LARP4B: variants seen among roughly 807,000 people sequenced by gnomAD.
LARP4B encodes the protein la-related protein 4B.
A neutral mutation model predicts 89.8 loss-of-function variants in LARP4B; 12 were observed. The ratio of observed to expected loss-of-function variants is 0.13; its 90% CI spans 0.09 to 0.22. The LOEUF is 0.22. LARP4B is among the 10% of genes least tolerant of loss of function. The probability of loss-of-function intolerance (pLI) is 1.00; values close to 1 mark genes in which losing one functional copy is unlikely to be tolerated. For synonymous variants in LARP4B, 367 were observed against 363.3 expected, an observed-to-expected ratio of 1.01 and a Z score of -0.12; for missense variants, 757 against 947.7, an observed-to-expected ratio of 0.80 and a Z score of 2.64.
At chr10:831,255 T>C (rs1832887973) in intron 8 of LARP4B, among the ~76,000 whole-genome samples, 1 of 151,306 alleles carries the variant, frequency 6.6e-6, no homozygotes, top group Non-Finnish European at 1.5e-5. Flanking sequence ...CATATCATGT[T>C]CTGGGCTGAT....
chr10:850,883 A>C (rs1209163799), intron 5 of LARP4B, among the ~76,000 whole-genome samples: 4 of 152,212 alleles, frequency 2.6e-5, no homozygotes, highest in Non-Finnish European at 2.9e-5. Flanking sequence ...GAGTCAAAGA[A>C]AAAAAATCAA....
the LARP4B span, among the ~76,000 whole-genome samples, chr10:974,817 T>C: frequency 6.6e-6 from 1 of 152,256 alleles, no homozygotes; most frequent in South Asian, 2.1e-4. Context: ...CATCGAAAGC[T>C]TGGAGCTCCA....
At chr10:888,501 G>GA (rs1316240481) in intron 1 of LARP4B, among the ~76,000 whole-genome samples, 2 of 152,150 alleles carry the variant, frequency 1.3e-5, no homozygotes, top group African/African-American at 4.8e-5. Context: ...GACTTCAAGC[G>GA]AAAGGACGTG....
At chr10:943,489 G>A in the LARP4B span, among the ~76,000 whole-genome samples, 4 of 152,122 alleles carry the variant, frequency 2.6e-5, no homozygotes, top group South Asian at 8.3e-4. Context: ...GAGTGCAGTG[G>A]TGCGATCATG....
At chr10:933,843 T>C (rs1237510572), upstream of LARP4B, among the ~76,000 whole-genome samples, 5 of 151,976 alleles carry the variant, frequency 3.3e-5, no homozygotes, top group African/African-American at 1.2e-4. Context: ...AAACTTTTTT[T>C]TTTTTTTGAG....
At chr10:841,984 A>G (rs1420744425) in intron 7 of LARP4B, among the ~76,000 whole-genome samples, 2 of 152,140 alleles carry the variant, frequency 1.3e-5, no homozygotes, top group African/African-American at 4.8e-5. Context: ...ACAAGAAAAA[A>G]AAAAAACCTG....
chr10:892,564 G>C (rs967218297), intron 1 of LARP4B, among the ~76,000 whole-genome samples: 33 of 151,312 alleles, frequency 2.2e-4, no homozygotes, highest in African/African-American at 7.5e-4. Context: ...TTTTGAGATA[G>C]AGTATCGCTC....
At chr10:927,128 G>C (rs1249634387) in intron 1 of LARP4B, among the ~76,000 whole-genome samples, 1 of 152,164 alleles carries the variant, frequency 6.6e-6, no homozygotes, top group African/African-American at 2.4e-5. Flanking sequence ...CAGGGCAATG[G>C]GGTTGATGGG....
chr10:897,393 T>G (rs1291112686), intron 1 of LARP4B, among the ~76,000 whole-genome samples: 1 of 152,038 alleles, frequency 6.6e-6, no homozygotes, highest in African/African-American at 2.4e-5. Flanking sequence ...ACCAAAGAAC[T>G]AAATGTAAAA....
intron 3 of LARP4B, among the ~76,000 whole-genome samples, chr10:874,540 T>C (rs1157184442): frequency 6.6e-6 from 1 of 152,252 alleles, no homozygotes; most frequent in Admixed American, 6.5e-5. Flanking sequence ...TCCCTAACTG[T>C]GGACTCACAT....
chr10:874,192 C>G (rs1835361092), intron 3 of LARP4B, among the ~76,000 whole-genome samples: 1 of 152,170 alleles, frequency 6.6e-6, no homozygotes, highest in Admixed American at 6.5e-5. Context: ...CAAGATTGCG[C>G]CACTGCACTC....
At chr10:935,854 G>T (rs1188211687), upstream of LARP4B, among the ~76,000 whole-genome samples, 2 of 150,906 alleles carry the variant, frequency 1.3e-5, no homozygotes, top group African/African-American at 4.9e-5. Context: ...GAGTAGCTGG[G>T]ATTACAGGGA....
rs763268627 is a variant in LARP4B at position 829,517 on chromosome 10, C to T, written c.993G>A (p.Leu331=). 6 of 1,614,060 alleles carry T rather than the reference C, an allele frequency of 3.7e-6. No individual in the cohort carries two copies. The highest frequency in any genetic ancestry group is 5.1e-6 in the Non-Finnish European group (6 of 1,180,032). The part of the protein sequence containing the change: ...KNGFRPLDVS[L]YAQQRYATSF... ...ACGTCGCGTAGCGCTGCTGGGCATA[C>T]AGGCTCACGTCCAGGGGTCTAAATC... Residue 331 remains leucine, a synonymous_variant, in exon 11 of 18, where the codon CTG becomes CTA. Transcript: ENST00000316157.
intron 5 of LARP4B, among the ~76,000 whole-genome samples, chr10:851,375 C>T (rs912761858): frequency 6.6e-6 from 1 of 151,836 alleles, no homozygotes; most frequent in African/African-American, 2.4e-5. Flanking sequence ...GTAGAGATGG[C>T]GTTTCACTAT....
rs540380354 is a variant in LARP4B, at chr10:880,054, A to G, written c.141+4393T>C. On this transcript the variant is annotated intron_variant, in intron 3 of 17. Coordinates refer to ENST00000316157, the MANE Select transcript of LARP4B (RefSeq NM_015155.3). ...CTCCCAAAGTGCTGGGATTACAGAC[A>G]TGAGCCACCGCACCTGGCCCAAGTC... is the stretch of plus-strand genomic sequence containing the variant. Among the ~76,000 whole-genome samples the G allele has an allele frequency of 5.3e-5, 8 of 152,144 alleles. No individual in the cohort carries two copies. The South Asian group carries it at 1.5e-3, about 28-fold the overall frequency.
intron 7 of LARP4B, among the ~76,000 whole-genome samples, chr10:840,896 A>G (rs1033327295): frequency 6.6e-6 from 1 of 152,230 alleles, no homozygotes; most frequent in Non-Finnish European, 1.5e-5. Flanking sequence ...TCACACCTGT[A>G]ATCTCAGGAC....
chr10:925,108 T>C (rs573159975), intron 1 of LARP4B, among the ~76,000 whole-genome samples: 4 of 152,308 alleles, frequency 2.6e-5, no homozygotes, highest in Admixed American at 2.0e-4. Flanking sequence ...GGATACACCA[T>C]AATATATGTG....
chr10:813,116 G>T lies in LARP4B; in HGVS notation c.2027C>A (p.Thr676Asn). 1.2e-6 allele frequency: 2 copies of T among 1,614,174 alleles called. No individual in the cohort carries two copies. The highest frequency in any genetic ancestry group is 1.7e-6 in the Non-Finnish European group (2 of 1,180,032). The change falls in exon 18 of 18, where the codon ACT becomes AAT. Residue 676 changes from threonine (T) to asparagine (N), a missense_variant. By Grantham distance (65) the Thr-to-Asn change is moderately conservative. Around this residue, in one of 5 missense-constraint regions of LARP4B, gnomAD observed 387 missense variants for 423.6 expected, o/e 0.91. Coordinates refer to ENST00000316157, the MANE Select transcript of LARP4B (RefSeq NM_015155.3). ...CTTTTCCTCCTTCCCACAACCAACA[G>T]TGTTTGGCTTTTGTTCTTTTTGGGG... is the stretch of plus-strand genomic sequence containing the variant. ...LQPQKEQKPNTVGCGKEEKKL... is the reference protein window; with the variant it reads ...LQPQKEQKPNNVGCGKEEKKL...
chr10:842,341 GCA>G (rs1404659936), intron 7 of LARP4B, among the ~76,000 whole-genome samples: 1 of 151,996 alleles, frequency 6.6e-6, no homozygotes, highest in Non-Finnish European at 1.5e-5. Context: ...GGGATTACAA[GCA>G]CACACCACCA....
Sources: gnomAD v4.1 joint callset for allele counts (sites outside exome capture counted in the v4.1 genomes callset) on GRCh38, gnomAD v4.1.1 for gene constraint, gnomAD v4.1.1 regional missense constraint, MANE v1.5 for transcripts, NCBI Gene and HGNC (gene_info 2026-07-23, HGNC 2026-07-21) for gene names.